Variants in TERB2 observed in about 807,000 individuals in gnomAD.
The protein encoded by TERB2 is telomere repeat binding bouquet formation protein 2.
A neutral mutation model predicts 29.8 loss-of-function variants in TERB2; 26 were observed. The ratio of observed to expected loss-of-function variants is 0.87; its 90% CI spans 0.64 to 1.21. The LOEUF (loss-of-function observed/expected upper bound fraction) is 1.21, where lower values mean the gene tolerates loss of function less well. Among genes scored for constraint, TERB2 ranks in the 50% most tolerant of loss-of-function variants. The probability of loss-of-function intolerance (pLI) is 0.00; values close to 1 mark genes in which losing one functional copy is unlikely to be tolerated. For synonymous variants in TERB2, 80 were observed against 90.8 expected, an observed-to-expected ratio of 0.88 and a Z score of 0.68; for missense variants, 240 against 268.6, an observed-to-expected ratio of 0.89 and a Z score of 0.74.
intron 5 of TERB2, among the ~76,000 whole-genome samples, chr15:44,969,139 G>A (rs968652776): frequency 6.6e-6 from 1 of 152,082 alleles, no homozygotes; most frequent in African/African-American, 2.4e-5. Flanking sequence ...CTGTCACCCA[G>A]GCTGGAGTAC....
chr15:44,973,717 C>G, intron 5 of TERB2, 150 bp from the exon 6 acceptor site: 1 of 534,642 alleles, frequency 1.9e-6, no homozygotes, highest in Non-Finnish European at 2.5e-6. Flanking sequence ...AAAACAAATC[C>G]AAATATATAC....
intron 4 of TERB2, among the ~76,000 whole-genome samples, chr15:44,965,633 T>C (rs1323362190): frequency 6.9e-6 from 1 of 145,614 alleles, no homozygotes; most frequent in Non-Finnish European, 1.5e-5. Context: ...TATATCTATA[T>C]AAAGATATAT....
chr15:44,960,764 A>G lies in TERB2; in HGVS notation c.287-759A>G, dbSNP rs200932041. ...CTAGTGGCTGCCATACTGGACAGCA[A>G]AAGTCTAGAGTAATATTACCTTTTT... On this transcript the variant is annotated intron_variant, in intron 3 of 6. Coordinates refer to ENST00000340827, the MANE Select transcript of TERB2 (RefSeq NM_152448.3). 1.2e-4 allele frequency among the ~76,000 whole-genome samples: 18 copies of G among 152,238 alleles called. No homozygotes were observed. In the East Asian group the frequency reaches 1.4e-3, roughly 11 times the overall value.
chr15:44,962,250 C>T (rs1164138058), intron 4 of TERB2, among the ~76,000 whole-genome samples: 1 of 149,498 alleles, frequency 6.7e-6, no homozygotes, highest in Non-Finnish European at 1.5e-5. Flanking sequence ...GGTGCGATCT[C>T]GGCTCACTGC....
At chr15:44,973,760 T>G in intron 5 of TERB2, 107 bp from the exon 6 acceptor site, 2 of 791,238 alleles carry the variant, frequency 2.5e-6, no homozygotes, top group Non-Finnish European at 3.2e-6. Context: ...GTAAAGGTAA[T>G]TATGTATTAT....
chr15:44,961,191 G>GATATATATATATATATATAT (rs34640759), intron 3 of TERB2, among the ~76,000 whole-genome samples: 14 of 136,380 alleles, frequency 1.0e-4, no homozygotes, highest in South Asian at 4.7e-4. Flanking sequence ...ATACCTCAAT[G>GATATATATATATATATATAT]ATATATATAT....
intron 4 of TERB2, among the ~76,000 whole-genome samples, chr15:44,963,451 A>C (rs1891837225): frequency 6.6e-6 from 1 of 152,240 alleles, no homozygotes; most frequent in African/African-American, 2.4e-5. Context: ...CTCTAACATC[A>C]GTTAATGTCA....
At chr15:44,977,483 T>C (rs1456224170) in intron 6 of TERB2, among the ~76,000 whole-genome samples, 1 of 152,228 alleles carries the variant, frequency 6.6e-6, no homozygotes, top group Non-Finnish European at 1.5e-5. Context: ...TAGTGATATT[T>C]TTCTGCACTA....
At chr15:44,975,590 C>T (rs1892034363) in intron 6 of TERB2, among the ~76,000 whole-genome samples, 2 of 152,090 alleles carry the variant, frequency 1.3e-5, no homozygotes, top group Admixed American at 1.3e-4. Context: ...AGTTTTGGCG[C>T]TACTGGCATT....
In TERB2 at chr15:44,958,862, T is replaced by TC. The variant is rs1234605696; in HGVS notation, c.286+350_286+351insC. 3.3e-5 allele frequency among the ~76,000 whole-genome samples: 5 copies of TC among 152,270 alleles called. 1 individual carries two copies. The highest frequency in any genetic ancestry group is 4.1e-4 in the South Asian group (2 of 4,822). ...TTTTGTGATCATTTAGCAAGTTACTTTCTGAAGTTGTTTTGAGGATAAAAT... is the reference window on the plus strand; with the variant it reads ...TTTTGTGATCATTTAGCAAGTTACTTCTCTGAAGTTGTTTTGAGGATAAAAT... On this transcript the variant is annotated intron_variant, in intron 3 of 6. Transcript: ENST00000340827.
chr15:44,961,096 A>T (rs1891794614), intron 3 of TERB2, among the ~76,000 whole-genome samples: 1 of 150,800 alleles, frequency 6.6e-6, no homozygotes, highest in Non-Finnish European at 1.5e-5. Context: ...TATACATCTA[A>T]TGTATATCTA....
At chr15:44,978,424 C>CA in intron 6 of TERB2, 65 bp from the exon 7 acceptor site, 1 of 1,440,132 alleles carries the variant, frequency 6.9e-7, no homozygotes, top group Non-Finnish European at 9.2e-7. Flanking sequence ...AAATCAAAGA[C>CA]ACTGAAAAGC....
chr15:44,969,945 T>A (rs1891944269), intron 5 of TERB2: 1 of 151,850 alleles, frequency 6.6e-6, no homozygotes, highest in Non-Finnish European at 1.5e-5. Context: ...TTAATCAAAA[T>A]CTACGTTTAG....
chr15:44,967,450 C>T (rs1281982995), intron 5 of TERB2, among the ~76,000 whole-genome samples: 6 of 152,304 alleles, frequency 3.9e-5, no homozygotes, highest in South Asian at 4.1e-4. Context: ...TGCAGAGTAT[C>T]GCACCAATCC....
chr15:44,972,148 C>T (rs1336496974), intron 5 of TERB2, among the ~76,000 whole-genome samples: 1 of 151,872 alleles, frequency 6.6e-6, no homozygotes, highest in African/African-American at 2.4e-5. Context: ...TGCCACCACG[C>T]CTGGCTATTT....
At chr15:44,968,523 A>C (rs1891921550) in intron 5 of TERB2, among the ~76,000 whole-genome samples, 1 of 151,836 alleles carries the variant, frequency 6.6e-6, no homozygotes, top group Non-Finnish European at 1.5e-5. Context: ...TGCCTGGCCG[A>C]AAAATCTTAT....
intron 4 of TERB2, among the ~76,000 whole-genome samples, chr15:44,964,675 T>C (rs1375535013): frequency 1.3e-5 from 2 of 152,192 alleles, no homozygotes; most frequent in Non-Finnish European, 2.9e-5. Context: ...ACTCTAGAAG[T>C]TATATTATTA....
chr15:44,958,941 A>C (rs1314624321), intron 3 of TERB2, among the ~76,000 whole-genome samples: 2 of 152,154 alleles, frequency 1.3e-5, no homozygotes, highest in Admixed American at 1.3e-4. Context: ...CACTTTGGGA[A>C]ACTGAGGCGG....
chr15:44,957,692 C>G (rs1595473998), intron 2 of TERB2, among the ~76,000 whole-genome samples: 1 of 152,084 alleles, frequency 6.6e-6, no homozygotes, highest in Admixed American at 6.6e-5. Flanking sequence ...ACTTCCTAAG[C>G]CGTTACTGTG....
Sources: allele counts gnomAD v4.1 joint callset (sites outside exome capture counted in the v4.1 genomes callset), GRCh38; gene constraint gnomAD v4.1.1; transcripts MANE v1.5; gene names NCBI Gene and HGNC (gene_info 2026-07-23, HGNC 2026-07-21).